SSX2IP: variants seen among roughly 807,000 people sequenced by gnomAD.
SSX2IP encodes afadin- and alpha-actinin-binding protein.
A neutral mutation model predicts 84.9 loss-of-function variants in SSX2IP; 55 were observed. That is an observed-to-expected ratio of 0.65 (90% confidence interval 0.52 to 0.81). SSX2IP has a LOEUF of 0.81. SSX2IP is among the 30% of genes least tolerant of loss of function. The pLI, the probability that SSX2IP is intolerant of heterozygous loss-of-function variation, is 0.00. For missense variants in SSX2IP, 664 were observed against 705.2 expected, an observed-to-expected ratio of 0.94 and a Z score of 0.66; for synonymous variants, 239 against 234.7, an observed-to-expected ratio of 1.02 and a Z score of -0.17.
chr1:84,686,870 G>A (rs1169284491), intron 1 of SSX2IP, among the ~76,000 whole-genome samples: 1 of 152,124 alleles, frequency 6.6e-6, no homozygotes, highest in Non-Finnish European at 1.5e-5. Context: ...ACTTCAGAAA[G>A]ATGATCACCA....
At chr1:84,655,683 C>T (rs2102240150) in intron 11 of SSX2IP, 149 bp downstream of exon 11, 2 of 1,438,758 alleles carry the variant, frequency 1.4e-6, no homozygotes, top group Non-Finnish European at 1.8e-6. Flanking sequence ...TATGCTCAGC[C>T]TCCCTCTCAT....
chr1:84,665,590 T>G (rs1379789497), intron 5 of SSX2IP, among the ~76,000 whole-genome samples: 1 of 151,778 alleles, frequency 6.6e-6, no homozygotes, highest in African/African-American at 2.4e-5. Context: ...AAGTAACCAC[T>G]AAAGTAGAAA....
chr1:84,646,582 TA>T lies in SSX2IP; in HGVS notation c.*850del, dbSNP rs1221311460. ...CATCCAATATCTTAAACCAATTTCT[TA>T]AATTGTTTTATTCAAAGGTACTTTT... On this transcript the variant is annotated 3_prime_UTR_variant, in exon 14 of 14. Coordinates refer to ENST00000342203, the MANE Select transcript of SSX2IP (RefSeq NM_001166293.2). 1.3e-5 allele frequency: 2 copies of T among 152,726 alleles called. No individual in the cohort carries two copies. Among genetic ancestry groups the T allele is most frequent in the African/African-American group, 4.8e-5 (2 of 41,590 alleles). 9.5% of individuals were successfully genotyped at this position (152,726 alleles called of 1,614,324 possible).
chr1:84,672,789 C>T lies in SSX2IP; in HGVS notation c.-89-1481G>A, dbSNP rs551547359. On this transcript the variant is annotated intron_variant, in intron 1 of 13. Coordinates refer to ENST00000342203, the MANE Select transcript of SSX2IP (RefSeq NM_001166293.2). Reference sequence around the variant, plus strand: ...CCTGTAATCACAGCACTTTGGGTGGCTGAGGTGGGTGGATCACTTGAGGTC... The same window carrying T: ...CCTGTAATCACAGCACTTTGGGTGGTTGAGGTGGGTGGATCACTTGAGGTC... 9.0e-4 allele frequency among the ~76,000 whole-genome samples: 137 copies of T among 152,228 alleles called. 1 individual carries two copies. Among genetic ancestry groups the T allele is most frequent in the African/African-American group, 3.3e-3 (135 of 41,528 alleles).
At chr1:84,690,241 AACAAC>A (rs2102680095) in intron 1 of SSX2IP, 125 bp downstream of exon 1, 1 of 151,712 alleles carries the variant, frequency 6.6e-6, no homozygotes, top group African/African-American at 2.4e-5. Flanking sequence ...CCTCCCGCCG[AACAAC>A]GGGGCGCTGA....
At position 84,656,390 on chromosome 1, in the gene SSX2IP, C is replaced by T. The variant is rs774399474; in HGVS notation, c.1173G>A (p.Gln391=). ...QETEKLELEI[Q]QCKEMIKTQQ... ...GAGTTTTAATCATTTCTTTACACTG[C>T]TGAATTTCTAACTCGAGTTTTTCAG... The change falls in exon 10 of 14, where the codon CAG becomes CAA. Residue 391 remains glutamine (Q), a synonymous_variant. Coordinates refer to ENST00000342203, the MANE Select transcript of SSX2IP (RefSeq NM_001166293.2). 9 of 1,613,144 alleles carry T rather than the reference C, an allele frequency of 5.6e-6. No homozygotes were observed. Among genetic ancestry groups the T allele is most frequent in the Middle Eastern group, 1.7e-4 (1 of 5,878 alleles).
intron 1 of SSX2IP, among the ~76,000 whole-genome samples, chr1:84,688,974 C>A (rs1484528541): frequency 1.3e-5 from 2 of 152,156 alleles, no homozygotes; most frequent in Admixed American, 6.5e-5. Flanking sequence ...CTCAAAGAAC[C>A]GTTTTGTTTG....
chr1:84,658,359 C>T lies in SSX2IP; in HGVS notation c.1037G>A (p.Trp346Ter), dbSNP rs1651431080. 1 of 1,613,996 alleles carries T rather than the reference C, an allele frequency of 6.2e-7. No homozygotes were observed. The highest frequency in any genetic ancestry group is 8.5e-7 in the Non-Finnish European group (1 of 1,180,022). ...EQLTNSIRKQ[W>*]RILKSHVEKL... ...TTCTACATGACTTTTCAAAATTCTC[C>T]ACTGTTTTCTGATGCTGTTTGTAAG... The change falls in exon 9 of 14, where the codon TGG becomes TAG. Residue 346 changes from tryptophan (W) to a stop codon, truncating the protein, a stop_gained. Transcript: ENST00000342203. LOFTEE classifies it high-confidence loss of function.
chr1:84,668,966 A>G (rs768526385), intron 4 of SSX2IP, among the ~76,000 whole-genome samples: 88 of 152,228 alleles, frequency 5.8e-4, no homozygotes, highest in African/African-American at 2.0e-3. Context: ...GGATTGATTT[A>G]TATTATACCC....
At chr1:84,689,034 G>C (rs182509316) in intron 1 of SSX2IP, among the ~76,000 whole-genome samples, 3 of 152,238 alleles carry the variant, frequency 2.0e-5, no homozygotes, top group Admixed American at 1.3e-4. Context: ...TTAGCTATTA[G>C]CTTTCCTTAC....
intron 1 of SSX2IP, among the ~76,000 whole-genome samples, chr1:84,684,637 A>T (rs1458437517): frequency 6.6e-6 from 1 of 152,200 alleles, no homozygotes; most frequent in African/African-American, 2.4e-5. Context: ...ACTCTTGCCT[A>T]CGTATGCCAG....
chr1:84,665,484 T>C (rs1010742885), intron 5 of SSX2IP, among the ~76,000 whole-genome samples: 7 of 152,186 alleles, frequency 4.6e-5, no homozygotes, highest in Non-Finnish European at 1.5e-5. Context: ...AGTTATTACA[T>C]GGTCAGGGGT....
chr1:84,686,359 T>A (rs1655788347), intron 1 of SSX2IP, among the ~76,000 whole-genome samples: 1 of 152,188 alleles, frequency 6.6e-6, no homozygotes, highest in South Asian at 2.1e-4. Context: ...TGGTGACAAG[T>A]ACACAAAAGG....
chr1:84,649,319 A>C (rs1649893391), intron 13 of SSX2IP, among the ~76,000 whole-genome samples: 1 of 152,160 alleles, frequency 6.6e-6, no homozygotes, highest in Admixed American at 6.5e-5. Context: ...ACCATTGCAA[A>C]TGTATGAGGT....
Position 84,650,095 on chromosome 1 carries a change from T to C in SSX2IP, c.1670+267A>G. ...AATTAAGACTACATTCTAAATTGTATCTTAAATGTGAAATAAAAAGACACA... is the reference window on the plus strand; with the variant it reads ...AATTAAGACTACATTCTAAATTGTACCTTAAATGTGAAATAAAAAGACACA... On this transcript the variant is annotated intron_variant, in intron 13 of 13. Coordinates refer to ENST00000342203, the MANE Select transcript of SSX2IP (RefSeq NM_001166293.2). 2.1e-5 allele frequency: 13 copies of C among 620,670 alleles called. No individual in the cohort carries two copies. In the South Asian group the frequency reaches 2.5e-4, roughly 12 times the overall value. The allele number at this position is 620,670 out of a possible 1,614,324, so 38.4% of individuals were successfully genotyped here. A position where few individuals can be genotyped will look rare whatever the true frequency, so the allele number is the denominator to read the frequency against.
chr1:84,650,747 C>T (rs1020552130), intron 12 of SSX2IP, among the ~76,000 whole-genome samples: 5 of 151,650 alleles, frequency 3.3e-5, no homozygotes, highest in African/African-American at 1.2e-4. Flanking sequence ...CTCTGTCACC[C>T]AGGCTGGAGT....
intron 9 of SSX2IP, among the ~76,000 whole-genome samples, chr1:84,657,628 T>C (rs943341449): frequency 2.6e-5 from 4 of 152,200 alleles, no homozygotes; most frequent in Non-Finnish European, 5.9e-5. Flanking sequence ...GAATAAGATC[T>C]TTAGTGGTGA....
chr1:84,689,730 C>T (rs1656316184), intron 1 of SSX2IP, among the ~76,000 whole-genome samples: 2 of 152,224 alleles, frequency 1.3e-5, no homozygotes, highest in Admixed American at 1.3e-4. Flanking sequence ...GCTCACAATT[C>T]AGTTTACTGT....
chr1:84,651,904 G>C lies in SSX2IP; in HGVS notation c.1483C>G (p.Leu495Val). The change falls in exon 12 of 14, where the codon CTT becomes GTT. Residue 495 changes from leucine (L) to valine (V), a missense_variant. Leu to Val is a conservative substitution (Grantham distance 32). Transcript: ENST00000342203. ...TCACTTCCTGAGAAGGCACTGAAAAGTTTCACATTTTCTGAGTTCTGGTGG... is the reference window on the plus strand; with the variant it reads ...TCACTTCCTGAGAAGGCACTGAAAACTTTCACATTTTCTGAGTTCTGGTGG... ...FDHQNSENVKLFSAFSGSSDW... is the reference protein window; with the variant it reads ...FDHQNSENVKVFSAFSGSSDW... The C allele has an allele frequency of 6.2e-7, 1 of 1,613,048 alleles. No individual in the cohort carries two copies. Among genetic ancestry groups the C allele is most frequent in the Non-Finnish European group, 8.5e-7 (1 of 1,179,170 alleles).
Sources: gnomAD v4.1 joint callset for allele counts (sites outside exome capture counted in the v4.1 genomes callset) on GRCh38, gnomAD v4.1.1 for gene constraint, MANE v1.5 for transcripts, NCBI Gene and HGNC (gene_info 2026-07-23, HGNC 2026-07-21) for gene names.